Variants in HYCC1 observed in about 807,000 individuals in gnomAD.
The protein encoded by HYCC1 is hyccin PI4KA lipid kinase complex subunit 1, also known as hyccin.
chr7:22,947,497 C>T, the HYCC1 span, among the ~76,000 whole-genome samples: 2 of 152,004 alleles, frequency 1.3e-5, no homozygotes, highest in South Asian at 2.1e-4. Context: ...CATTTTTTCA[C>T]ACACACATTT....
chr7:22,905,384 G>GTTT, the HYCC1 span, among the ~76,000 whole-genome samples: 2 of 62,410 alleles, frequency 3.2e-5, no homozygotes, highest in Non-Finnish European at 3.1e-5. Flanking sequence ...GGCTAATTTT[G>GTTT]TATTTTTTTT....
chr7:22,945,874 A>T, the HYCC1 span: 1 of 1,613,694 alleles, frequency 6.2e-7, no homozygotes, highest in African/African-American at 1.3e-5. Context: ...TGGTTGTTAA[A>T]GTAAGTCTCT....
chr7:22,897,927 C>T, the HYCC1 span, among the ~76,000 whole-genome samples: 1 of 152,114 alleles, frequency 6.6e-6, no homozygotes, highest in African/African-American at 2.4e-5. Context: ...AGCCACCACA[C>T]CTGGCTTGAG....
chr7:22,988,812 C>T, the HYCC1 span, among the ~76,000 whole-genome samples: 2 of 152,132 alleles, frequency 1.3e-5, no homozygotes, highest in Non-Finnish European at 2.9e-5. Context: ...AACTTATTTG[C>T]TCAATGTAAC....
the HYCC1 span, among the ~76,000 whole-genome samples, chr7:22,930,387 G>A: frequency 7.8e-4 from 77 of 98,644 alleles, no homozygotes; most frequent in East Asian, 2.6e-3. Context: ...AAAAGAAAAA[G>A]AAAAAGAAAA....
chr7:22,924,973 C>G, the HYCC1 span, among the ~76,000 whole-genome samples: 2 of 152,208 alleles, frequency 1.3e-5, no homozygotes, highest in African/African-American at 4.8e-5. Flanking sequence ...GGGTACTCCT[C>G]TGAGCCAAAA....
chr7:22,934,690 G>A, the HYCC1 span: 1 of 152,214 alleles, frequency 6.6e-6, no homozygotes, highest in Non-Finnish European at 1.5e-5. Flanking sequence ...GTGAAGTCCA[G>A]AGGAAACCTG....
the HYCC1 span, chr7:22,934,206 C>CTTTTTTT: frequency 1.0e-5 from 1 of 100,170 alleles, no homozygotes; most frequent in African/African-American, 4.3e-5. Flanking sequence ...TCTTTTTTTT[C>CTTTTTTT]TTTTTTTTTT....
At chr7:22,995,113 A>C in the HYCC1 span, among the ~76,000 whole-genome samples, 1 of 152,180 alleles carries the variant, frequency 6.6e-6, no homozygotes, top group Admixed American at 6.6e-5. Context: ...ACATCCCTGA[A>C]ACAAACCACT....
At chr7:22,922,256 C>T in the HYCC1 span, among the ~76,000 whole-genome samples, 1 of 151,876 alleles carries the variant, frequency 6.6e-6, no homozygotes, top group African/African-American at 2.4e-5. Flanking sequence ...TCAAAATATC[C>T]AATTGAAAGA....
At chr7:22,953,537 C>T in the HYCC1 span, among the ~76,000 whole-genome samples, 5 of 151,648 alleles carry the variant, frequency 3.3e-5, no homozygotes, top group Non-Finnish European at 7.4e-5. Flanking sequence ...TTTTTGTTTT[C>T]CTCAAAAATT....
chr7:22,946,993 T>C, the HYCC1 span: 1 of 1,549,602 alleles, frequency 6.5e-7, no homozygotes, highest in Non-Finnish European at 8.7e-7. Flanking sequence ...AACTGCACTC[T>C]GCCAGGTGAG....
the HYCC1 span, among the ~76,000 whole-genome samples, chr7:23,001,683 G>GTA: frequency 6.6e-6 from 1 of 152,014 alleles, no homozygotes; most frequent in Non-Finnish European, 1.5e-5. Flanking sequence ...TGTGGTTGCA[G>GTA]TATTTTTCTC....
the HYCC1 span, among the ~76,000 whole-genome samples, chr7:22,928,798 G>A: frequency 6.6e-6 from 1 of 151,204 alleles, no homozygotes; most frequent in Non-Finnish European, 1.5e-5. Context: ...TCCCCATCAA[G>A]CTACCAATGA....
the HYCC1 span, among the ~76,000 whole-genome samples, chr7:22,994,901 C>T: frequency 0.03 from 4,621 of 152,220 alleles, 101 homozygotes; most frequent in Non-Finnish European, 0.042. Context: ...ACTCTTTGTA[C>T]ATCTTCTGTT....
chr7:22,920,188 A>T, the HYCC1 span, among the ~76,000 whole-genome samples: 2 of 152,132 alleles, frequency 1.3e-5, no homozygotes, highest in African/African-American at 4.8e-5. Context: ...CCACAAAAAA[A>T]TATTTTAAGC....
At chr7:22,900,295 C>A in the HYCC1 span, among the ~76,000 whole-genome samples, 1 of 152,246 alleles carries the variant, frequency 6.6e-6, no homozygotes, top group African/African-American at 2.4e-5. Flanking sequence ...ATGACCTTGG[C>A]AGGCACTGAC....
the HYCC1 span, chr7:22,961,163 G>GTCTC: frequency 5.6e-6 from 3 of 533,892 alleles, no homozygotes; most frequent in Non-Finnish European, 6.3e-6. Context: ...AACTATGAAT[G>GTCTC]GCTCTCAATT....
At chr7:22,898,936 C>T in the HYCC1 span, among the ~76,000 whole-genome samples, 2 of 152,280 alleles carry the variant, frequency 1.3e-5, no homozygotes, top group African/African-American at 4.8e-5. Context: ...CAAGCACTCC[C>T]TTGTGTGTCC....
Sources: gnomAD v4.1 joint callset for allele counts (sites outside exome capture counted in the v4.1 genomes callset) on GRCh38, gnomAD v4.1.1 for gene constraint, MANE v1.5 for transcripts, NCBI Gene and HGNC (gene_info 2026-07-23, HGNC 2026-07-21) for gene names.